The following FSTL5 variants were observed in gnomAD, a reference collection of about 807,000 sequenced individuals.
FSTL5 encodes follistatin-related protein 5.
Under a neutral mutation model 89.1 loss-of-function variants are expected in FSTL5, and 62 were observed. The ratio of observed to expected loss-of-function variants is 0.70; its 90% CI spans 0.57 to 0.86. FSTL5 has a LOEUF of 0.86. Ranked by LOEUF, FSTL5 falls within the 40% of genes least tolerant of loss-of-function variation. FSTL5 has a pLI of 0.00. For synonymous variants in FSTL5, 383 were observed against 346.2 expected (o/e 1.11, Z -1.18); for missense variants, 1,057 against 1,001.6 (o/e 1.06, Z -0.75).
At chr4:162,124,903 C>T (rs1335224703) in intron 1 of FSTL5, among the ~76,000 whole-genome samples, 1 of 152,152 alleles carries the variant, frequency 6.6e-6, no homozygotes, top group African/African-American at 2.4e-5. Flanking sequence ...CGGGTTTTCA[C>T]CGTGTTAGCC....
At position 161,386,383 on chromosome 4, in the gene FSTL5, G is replaced by A; in HGVS notation, c.1908C>T (p.Tyr636=). Residue 636 remains tyrosine, a synonymous_variant, in exon 16 of 16, where the codon TAC becomes TAT. Coordinates refer to ENST00000306100, the MANE Select transcript of FSTL5 (RefSeq NM_020116.5). ...AGTCCTTCAAGTTAATTGTCTTGAT[G>A]TATGACATGGTTTCAAGATCAATTT... The part of the protein sequence containing the change: ...LQKIDLETMS[Y]IKTINLKDYK... 1 of 1,613,688 alleles carries A rather than the reference G, an allele frequency of 6.2e-7. No individual in the cohort carries two copies. Among genetic ancestry groups the A allele is most frequent in the Non-Finnish European group, 8.5e-7 (1 of 1,179,772 alleles).
intron 15 of FSTL5, among the ~76,000 whole-genome samples, chr4:161,394,357 C>T (rs74504890): frequency 0.031 from 4,737 of 152,242 alleles, 248 homozygotes; most frequent in African/African-American, 0.11. Flanking sequence ...CTTACTGCAA[C>T]CTCCACCTTC....
chr4:161,577,261 A>T (rs1282833697), intron 8 of FSTL5, among the ~76,000 whole-genome samples: 1 of 152,114 alleles, frequency 6.6e-6, no homozygotes, highest in Non-Finnish European at 1.5e-5. Flanking sequence ...TTTACAAATG[A>T]GGGTCTTAGG....
rs1737919216 is a variant in FSTL5, at chr4:162,040,726, A to T, written c.127-7068T>A. Reference sequence around the variant, plus strand: ...CCTTTTATTTAAAATTCTTTTTCTTAGAATTTGAGTCATATCCCTGATCCA... The same window carrying T: ...CCTTTTATTTAAAATTCTTTTTCTTTGAATTTGAGTCATATCCCTGATCCA... On this transcript the variant is annotated intron_variant, in intron 2 of 15. Coordinates refer to ENST00000306100, the MANE Select transcript of FSTL5 (RefSeq NM_020116.5). Among the ~76,000 whole-genome samples the T allele has an allele frequency of 2.0e-5, 3 of 152,088 alleles. 1 individual carries two copies. In the South Asian group the frequency reaches 6.2e-4, roughly 32 times the overall value.
At chr4:161,898,242 C>A (rs1054451649) in intron 4 of FSTL5, among the ~76,000 whole-genome samples, 7 of 151,214 alleles carry the variant, frequency 4.6e-5, no homozygotes, top group African/African-American at 1.7e-4. Flanking sequence ...ACATTCATAT[C>A]ATACATGTAT....
intron 6 of FSTL5, among the ~76,000 whole-genome samples, chr4:161,716,023 A>T (rs1738966587): frequency 6.6e-6 from 1 of 152,148 alleles, no homozygotes; most frequent in Non-Finnish European, 1.5e-5. Flanking sequence ...GCAGCATCAA[A>T]TCCAAAACCC....
intron 6 of FSTL5, among the ~76,000 whole-genome samples, chr4:161,694,490 T>G (rs576900173): frequency 6.6e-6 from 1 of 152,218 alleles, no homozygotes; most frequent in Admixed American, 6.5e-5. Context: ...TATTCTCTAC[T>G]TATTCTTACA....
At chr4:161,676,491 C>A (rs546162999) in intron 6 of FSTL5, among the ~76,000 whole-genome samples, 2 of 151,748 alleles carry the variant, frequency 1.3e-5, no homozygotes, top group African/African-American at 4.8e-5. Context: ...CATCACACAC[C>A]GGGGCCTGTC....
intron 15 of FSTL5, among the ~76,000 whole-genome samples, chr4:161,397,494 G>A (rs1731043995): frequency 6.6e-6 from 1 of 151,354 alleles, no homozygotes; most frequent in Non-Finnish European, 1.5e-5. Context: ...CTAGAGTATT[G>A]AGGTAATTTA....
intron 7 of FSTL5, among the ~76,000 whole-genome samples, chr4:161,623,019 A>G (rs543003534): frequency 3.3e-4 from 51 of 152,242 alleles, no homozygotes; most frequent in Admixed American, 7.2e-4. Flanking sequence ...GAAAGACAAT[A>G]AAAGTCATAA....
At chr4:161,536,873 C>A (rs1313562878) in intron 10 of FSTL5, among the ~76,000 whole-genome samples, 1 of 152,084 alleles carries the variant, frequency 6.6e-6, no homozygotes, top group Non-Finnish European at 1.5e-5. Context: ...AGAAAACAAA[C>A]ATTTTTAATT....
chr4:161,677,943 A>T (rs1737363461), intron 6 of FSTL5, among the ~76,000 whole-genome samples: 1 of 151,800 alleles, frequency 6.6e-6, no homozygotes, highest in Non-Finnish European at 1.5e-5. Context: ...ATATTATGCC[A>T]CACACCATAG....
At chr4:161,718,546 A>G (rs905751088) in intron 6 of FSTL5, among the ~76,000 whole-genome samples, 8 of 151,970 alleles carry the variant, frequency 5.3e-5, no homozygotes, top group Non-Finnish European at 2.9e-5. Flanking sequence ...CTCCTGCCTC[A>G]GCCTCCCAAG....
intron 1 of FSTL5, among the ~76,000 whole-genome samples, chr4:162,113,316 T>TCCA (rs1561026125): frequency 2.8e-4 from 43 of 151,728 alleles, no homozygotes; most frequent in Middle Eastern, 3.4e-3. Context: ...AACTCATCAT[T>TCCA]AATTCTTTTA....
intron 15 of FSTL5, among the ~76,000 whole-genome samples, chr4:161,420,495 A>G (rs1016271500): frequency 6.6e-6 from 1 of 152,150 alleles, no homozygotes; most frequent in African/African-American, 2.4e-5. Flanking sequence ...ACCATGCAAC[A>G]TAAGATATAT....
chr4:161,912,639 G>C (rs1451585305), intron 4 of FSTL5, among the ~76,000 whole-genome samples: 1 of 152,140 alleles, frequency 6.6e-6, no homozygotes, highest in Non-Finnish European at 1.5e-5. Flanking sequence ...TTCATCAACA[G>C]CGTGAAAATG....
At chr4:162,005,069 G>C (rs1398479987) in intron 3 of FSTL5, among the ~76,000 whole-genome samples, 1 of 152,144 alleles carries the variant, frequency 6.6e-6, no homozygotes, top group African/African-American at 2.4e-5. Flanking sequence ...ATAATGTAAT[G>C]TATCCCTGCT....
chr4:162,147,603 T>C (rs549483321), intron 1 of FSTL5, among the ~76,000 whole-genome samples: 1 of 149,602 alleles, frequency 6.7e-6, no homozygotes, highest in African/African-American at 2.6e-5. Context: ...CTCTGTAAGT[T>C]ACAGTTCTCC....
chr4:162,003,176 A>G (rs1368014624), intron 3 of FSTL5, among the ~76,000 whole-genome samples: 2 of 152,114 alleles, frequency 1.3e-5, no homozygotes, highest in Non-Finnish European at 2.9e-5. Context: ...GCCATTTATT[A>G]TTTTATTTAT....
Sources: allele counts gnomAD v4.1 joint callset (sites outside exome capture counted in the v4.1 genomes callset), GRCh38; gene constraint gnomAD v4.1.1; transcripts MANE v1.5; gene names NCBI Gene and HGNC (gene_info 2026-07-23, HGNC 2026-07-21).